Variants in MPPED2 observed in about 807,000 individuals in gnomAD.
MPPED2 encodes metallophosphoesterase domain containing 2, also known as metallophosphoesterase MPPED2.
In MPPED2, 5 loss-of-function variants were observed where a neutral mutation model predicts 33.0. The observed-to-expected ratio is 0.15, with a 90% CI of 0.08 to 0.32. The LOEUF (loss-of-function observed/expected upper bound fraction) is 0.32. Among genes scored for constraint, MPPED2 ranks in the 10% least tolerant of loss-of-function variants. The pLI is 1.00. For missense variants in MPPED2, 275 were observed against 372.1 expected, an observed-to-expected ratio of 0.74 and a Z score of 2.15; for synonymous variants, 136 against 141.9, an observed-to-expected ratio of 0.96 and a Z score of 0.29.
chr11:30,513,131 T>C (rs1030140900), intron 3 of MPPED2, among the ~76,000 whole-genome samples: 5 of 152,162 alleles, frequency 3.3e-5, no homozygotes, highest in Non-Finnish European at 7.3e-5. Context: ...TTTGCATCTC[T>C]AATGAGAGAC....
intron 2 of MPPED2, among the ~76,000 whole-genome samples, chr11:30,561,369 T>G (rs1489363328): frequency 1.3e-5 from 2 of 152,212 alleles, no homozygotes; most frequent in Admixed American, 1.3e-4. Context: ...TGAAGTTCAA[T>G]AGTTCAACTT....
intron 4 of MPPED2, among the ~76,000 whole-genome samples, chr11:30,446,443 G>A (rs998045390): frequency 6.6e-6 from 1 of 151,988 alleles, no homozygotes; most frequent in Non-Finnish European, 1.5e-5. Flanking sequence ...ATGTTAGTAG[G>A]CATGCTTTAA....
chr11:30,417,676 A>G, intron 4 of MPPED2, 43 bp from the exon 5 acceptor site: 4 of 1,106,578 alleles, frequency 3.6e-6, no homozygotes, highest in Non-Finnish European at 4.2e-6. Flanking sequence ...CAGCAGAGCC[A>G]CGGCTCCGCT....
chr11:30,534,519 A>G (rs1954704135), intron 3 of MPPED2, among the ~76,000 whole-genome samples: 1 of 152,200 alleles, frequency 6.6e-6, no homozygotes, highest in Non-Finnish European at 1.5e-5. Context: ...TTGCCATTTT[A>G]AATAACATGA....
chr11:30,547,901 T>A (rs913234960), intron 2 of MPPED2, among the ~76,000 whole-genome samples: 1 of 152,192 alleles, frequency 6.6e-6, no homozygotes, highest in Non-Finnish European at 1.5e-5. Context: ...ATCTTGAACC[T>A]CACACTTTCA....
chr11:30,511,104 A>C (rs1953156784), intron 3 of MPPED2, among the ~76,000 whole-genome samples: 1 of 152,180 alleles, frequency 6.6e-6, no homozygotes, highest in East Asian at 1.9e-4. Flanking sequence ...TGGATAAAAG[A>C]AATCCCATTA....
chr11:30,565,130 C>G (rs777389045), intron 2 of MPPED2, among the ~76,000 whole-genome samples: 22 of 152,270 alleles, frequency 1.4e-4, no homozygotes, highest in Non-Finnish European at 2.5e-4. Context: ...CCTGTGCAGT[C>G]TTGAATCATG....
intron 2 of MPPED2, among the ~76,000 whole-genome samples, chr11:30,568,844 C>G (rs1214224293): frequency 1.3e-5 from 2 of 152,106 alleles, no homozygotes; most frequent in Non-Finnish European, 2.9e-5. Context: ...CCTGGCTGCA[C>G]TAGTGGGATC....
At chr11:30,502,431 A>G (rs1171453069) in intron 3 of MPPED2, among the ~76,000 whole-genome samples, 1 of 152,230 alleles carries the variant, frequency 6.6e-6, no homozygotes, top group Non-Finnish European at 1.5e-5. Flanking sequence ...TGGGAAATAA[A>G]GCAGTGTCAG....
intron 2 of MPPED2, among the ~76,000 whole-genome samples, chr11:30,537,013 C>A (rs909285560): frequency 6.6e-6 from 1 of 152,000 alleles, no homozygotes; most frequent in Non-Finnish European, 1.5e-5. Context: ...TGAAATTACA[C>A]CAGGGCATAA....
intron 6 of MPPED2, among the ~76,000 whole-genome samples, chr11:30,401,321 T>C (rs951500151): frequency 6.6e-6 from 1 of 152,198 alleles, no homozygotes; most frequent in Non-Finnish European, 1.5e-5. Flanking sequence ...GGGTTCTCTC[T>C]TTGGCCTAAC....
intron 3 of MPPED2, among the ~76,000 whole-genome samples, chr11:30,521,215 C>A: frequency 6.6e-6 from 1 of 151,372 alleles, no homozygotes; most frequent in East Asian, 1.9e-4. Flanking sequence ...CCAGTATTCA[C>A]AGAAATCCTG....
At chr11:30,469,723 T>TATCA (rs558329287) in intron 4 of MPPED2, among the ~76,000 whole-genome samples, 29 of 152,286 alleles carry the variant, frequency 1.9e-4, no homozygotes, top group Non-Finnish European at 2.2e-4. Context: ...TTATTATCAT[T>TATCA]ATCATTATCA....
intron 4 of MPPED2, among the ~76,000 whole-genome samples, chr11:30,452,386 G>A (rs1396203917): frequency 6.6e-6 from 1 of 152,192 alleles, no homozygotes; most frequent in Admixed American, 6.5e-5. Flanking sequence ...CCATCCTGTG[G>A]CACCCATACC....
chr11:30,503,402 A>G (rs1952659054), intron 3 of MPPED2, among the ~76,000 whole-genome samples: 1 of 152,158 alleles, frequency 6.6e-6, no homozygotes, highest in Non-Finnish European at 1.5e-5. Flanking sequence ...TTCAGAAGAC[A>G]ACTCTTGCCT....
intron 4 of MPPED2, among the ~76,000 whole-genome samples, chr11:30,459,760 G>A (rs963268562): frequency 6.6e-6 from 1 of 152,220 alleles, no homozygotes; most frequent in Non-Finnish European, 1.5e-5. Context: ...TGTGTGGTCA[G>A]GTTGGGTAAC....
chr11:30,458,987 G>A (rs1045080190), intron 4 of MPPED2, among the ~76,000 whole-genome samples: 2 of 139,496 alleles, frequency 1.4e-5, no homozygotes, highest in Non-Finnish European at 3.1e-5. Context: ...GTGCAGTGGC[G>A]GGATCTCGGC....
At chr11:30,569,529 A>G (rs1304960786) in intron 2 of MPPED2, among the ~76,000 whole-genome samples, 6 of 152,130 alleles carry the variant, frequency 3.9e-5, no homozygotes, top group Non-Finnish European at 7.4e-5. Context: ...TAAAGTGAAA[A>G]CAAGTTAACC....
At chr11:30,556,659 TG>T (rs1955976638) in intron 2 of MPPED2, among the ~76,000 whole-genome samples, 4 of 152,198 alleles carry the variant, frequency 2.6e-5, no homozygotes, top group Admixed American at 6.5e-5. Flanking sequence ...CTTTTAGCCT[TG>T]GTTTTCTTAT....
Sources: allele counts gnomAD v4.1 joint callset (sites outside exome capture counted in the v4.1 genomes callset), GRCh38; gene constraint gnomAD v4.1.1; transcripts MANE v1.5; gene names NCBI Gene and HGNC (gene_info 2026-07-23, HGNC 2026-07-21).